Variants in DYNC1I1 observed in about 807,000 individuals in gnomAD.
DYNC1I1 encodes the protein cytoplasmic dynein 1 intermediate chain 1.
Under a neutral mutation model 86.6 loss-of-function variants are expected in DYNC1I1, and 43 were observed. The ratio of observed to expected loss-of-function variants is 0.50; its 90% CI spans 0.39 to 0.64. The LOEUF (loss-of-function observed/expected upper bound fraction) is 0.64, where lower values mean the gene tolerates loss of function less well. Ranked by LOEUF, DYNC1I1 falls within the 30% of genes least tolerant of loss-of-function variation. The pLI is 0.00. For missense variants in DYNC1I1, 604 were observed against 788.8 expected, an observed-to-expected ratio of 0.77 and a Z score of 2.81; for synonymous variants, 262 against 283.7, an observed-to-expected ratio of 0.92 and a Z score of 0.77.
At chr7:95,985,268 C>A (rs1793561941) in intron 8 of DYNC1I1, among the ~76,000 whole-genome samples, 2 of 152,078 alleles carry the variant, frequency 1.3e-5, no homozygotes, top group South Asian at 4.1e-4. Flanking sequence ...AGAAAACATT[C>A]TTTTGAGCAG....
At chr7:95,883,571 A>G (rs1790512107) in intron 6 of DYNC1I1, among the ~76,000 whole-genome samples, 1 of 152,234 alleles carries the variant, frequency 6.6e-6, no homozygotes, top group Non-Finnish European at 1.5e-5. Flanking sequence ...TTTTATACTT[A>G]AGTGAGTCAT....
At chr7:96,084,276 T>A in intron 16 of DYNC1I1, among the ~76,000 whole-genome samples, 1 of 146,676 alleles carries the variant, frequency 6.8e-6, no homozygotes. Flanking sequence ...GCCGGTCCTG[T>A]CAACTAGAGT....
intron 14 of DYNC1I1, among the ~76,000 whole-genome samples, chr7:96,072,721 C>T (rs544762988): frequency 9.9e-5 from 15 of 152,272 alleles, no homozygotes; most frequent in African/African-American, 3.6e-4. Context: ...ATTTATGTCT[C>T]ATAAATTCAA....
At chr7:95,937,903 G>A (rs1237464867) in intron 6 of DYNC1I1, among the ~76,000 whole-genome samples, 2 of 151,946 alleles carry the variant, frequency 1.3e-5, no homozygotes, top group African/African-American at 4.8e-5. Flanking sequence ...TGCCATGTAT[G>A]TATAATATAT....
chr7:95,974,012 T>C lies in DYNC1I1; in HGVS notation c.491-3500T>C, dbSNP rs546043968. On this transcript the variant is annotated intron_variant, in intron 6 of 16. Transcript: ENST00000447467. ...GAAGCAAGAATCTATTTGTTATTAG[T>C]CTTATTTCCTCCAAGGTCTTCACAC... is the stretch of plus-strand genomic sequence containing the variant. Among the ~76,000 whole-genome samples, 298 of 152,308 alleles carry C rather than the reference T, an allele frequency of 2.0e-3. 2 individuals carry two copies. Among genetic ancestry groups the C allele is most frequent in the Non-Finnish European group, 3.6e-3 (247 of 68,018 alleles).
At chr7:96,103,768 A>T (rs564815128) in intron 16 of DYNC1I1, among the ~76,000 whole-genome samples, 2 of 152,148 alleles carry the variant, frequency 1.3e-5, no homozygotes, top group African/African-American at 4.8e-5. Context: ...ATATACCACC[A>T]TGCCTGGCTA....
At chr7:95,796,037 A>C (rs1011547538) in intron 1 of DYNC1I1, among the ~76,000 whole-genome samples, 4 of 150,906 alleles carry the variant, frequency 2.7e-5, no homozygotes, top group African/African-American at 9.9e-5. Context: ...AAAATTAAAT[A>C]TAATTAAGAC....
intron 6 of DYNC1I1, among the ~76,000 whole-genome samples, chr7:95,900,676 C>G (rs1791013872): frequency 6.6e-6 from 1 of 152,102 alleles, no homozygotes; most frequent in Non-Finnish European, 1.5e-5. Flanking sequence ...AAGACTTGGG[C>G]TTTTCTTGAT....
chr7:96,107,047 GAC>G (rs937424738), intron 16 of DYNC1I1, among the ~76,000 whole-genome samples: 6 of 117,872 alleles, frequency 5.1e-5, no homozygotes, highest in African/African-American at 1.8e-4. Flanking sequence ...TTTTTTTTTT[GAC>G]AGCGTCTCAC....
chr7:95,852,632 G>A (rs111866547), intron 5 of DYNC1I1, among the ~76,000 whole-genome samples: 105 of 151,872 alleles, frequency 6.9e-4, no homozygotes, highest in African/African-American at 2.1e-3. Context: ...TCAGCCTCCC[G>A]GGTAGCGAGG....
At chr7:95,785,813 ATATATT>A (rs1445083135) in intron 1 of DYNC1I1, among the ~76,000 whole-genome samples, 2 of 131,098 alleles carry the variant, frequency 1.5e-5, no homozygotes, top group Non-Finnish European at 3.3e-5. Flanking sequence ...ATATATATAT[ATATATT>A]ATATATAACA....
chr7:95,786,172 G>A (rs1454846981), intron 1 of DYNC1I1, among the ~76,000 whole-genome samples: 1 of 152,088 alleles, frequency 6.6e-6, no homozygotes, highest in Non-Finnish European at 1.5e-5. Flanking sequence ...TGTCCTGAGA[G>A]TGTGGCACCA....
intron 8 of DYNC1I1, among the ~76,000 whole-genome samples, chr7:95,985,284 G>T (rs113912655): frequency 6.6e-6 from 1 of 152,118 alleles, no homozygotes; most frequent in Non-Finnish European, 1.5e-5. Context: ...AGCAGCAAAG[G>T]AGATTCATGT....
intron 6 of DYNC1I1, among the ~76,000 whole-genome samples, chr7:95,892,119 C>T (rs556972677): frequency 6.6e-6 from 1 of 152,064 alleles, no homozygotes; most frequent in East Asian, 1.9e-4. Context: ...AGGCATGCAC[C>T]ACCATGCCCA....
In DYNC1I1 at chr7:96,106,950, A is replaced by T. The variant is rs546401461; in HGVS notation, c.1543-3029A>T. ...TTATTTTCTATGCATTCTGTCAATT[A>T]TTGAGAAGGTGATGTTAAAATACAA... On this transcript the variant is annotated intron_variant, in intron 16 of 16. Transcript: ENST00000537881. Among the ~76,000 whole-genome samples, 463 of 152,018 alleles carry T rather than the reference A, an allele frequency of 3.0e-3. 6 individuals are homozygous for T. In the Middle Eastern group the frequency reaches 0.055, roughly 18 times the overall value.
rs553629207 is a variant in DYNC1I1 at position 95,984,890 on chromosome 7, G to A, written c.656G>A (p.Arg219Gln). Residue 219 changes from arginine (R) to glutamine (Q), a missense_variant, in exon 8 of 17, where the codon CGG becomes CAG. By Grantham distance (43) the Arg-to-Gln change is conservative. Transcript: ENST00000447467. ...HSEEFLIFFD[R>Q]TIRVIERALA... ...GAGGAATTTCTCATCTTTTTTGACC[G>A]GACAATACGGGTAATTGAAAGAGCC... is the stretch of plus-strand genomic sequence containing the variant. 9.9e-6 allele frequency: 16 copies of A among 1,613,230 alleles called. No homozygotes were observed. The highest frequency in any genetic ancestry group is 3.3e-5 in the South Asian group (3 of 90,938).
chr7:96,047,863 A>C (rs1211629535), intron 14 of DYNC1I1, among the ~76,000 whole-genome samples: 9 of 152,224 alleles, frequency 5.9e-5, no homozygotes, highest in Admixed American at 5.9e-4. Context: ...CTTGAACTCC[A>C]AAAGCTATTG....
rs1183836707 is a variant in DYNC1I1 at position 95,977,586 on chromosome 7, C to A, written c.565C>A (p.Gln189Lys). ...DSELENQDKK[Q>K]EVKEAPPREL... ...AGAACTGGAAAATCAGGACAAAAAA[C>A]AGGAAGTGAAGGAAGGTATGATATG... The change falls in exon 7 of 17, where the codon CAG becomes AAG. Residue 189 changes from glutamine to lysine, a missense_variant. By Grantham distance (53) the Gln-to-Lys change is moderately conservative. Coordinates refer to ENST00000447467, the MANE Select transcript of DYNC1I1 (RefSeq NM_001135556.2). 3.7e-6 allele frequency: 6 copies of A among 1,612,616 alleles called. No homozygotes were observed. Among genetic ancestry groups the A allele is most frequent in the Non-Finnish European group, 5.1e-6 (6 of 1,179,454 alleles).
chr7:96,097,102 T>C (rs910482755), intron 16 of DYNC1I1, among the ~76,000 whole-genome samples: 4 of 152,184 alleles, frequency 2.6e-5, no homozygotes, highest in African/African-American at 9.7e-5. Context: ...GAATAAAATA[T>C]ACAGTTATTT....
Sources: allele counts gnomAD v4.1 joint callset (sites outside exome capture counted in the v4.1 genomes callset), GRCh38; gene constraint gnomAD v4.1.1; transcripts MANE v1.5; gene names NCBI Gene and HGNC (gene_info 2026-07-23, HGNC 2026-07-21).